NTNG1: variants seen among roughly 807,000 people sequenced by gnomAD.
NTNG1 encodes the protein netrin G1.
Under a neutral mutation model 54.0 loss-of-function variants are expected in NTNG1, and 16 were observed. That is an observed-to-expected ratio of 0.30 (90% confidence interval 0.20 to 0.45). The LOEUF (loss-of-function observed/expected upper bound fraction) is 0.45, where lower values mean the gene tolerates loss of function less well. Ranked by LOEUF, NTNG1 falls within the 20% of genes least tolerant of loss-of-function variation. The pLI is 1.00. For missense variants in NTNG1, 530 were observed against 678.7 expected (o/e 0.78, Z 2.43); for synonymous variants, 255 against 263.1 (o/e 0.97, Z 0.30).
intron 2 of NTNG1, among the ~76,000 whole-genome samples, chr1:107,263,349 T>A (rs889029187): frequency 1.1e-4 from 17 of 151,624 alleles, no homozygotes; most frequent in Non-Finnish European, 1.5e-5. Flanking sequence ...TTTTTTCTTT[T>A]TTTTTCCTTT....
chr1:107,191,634 C>T (rs2101200532), intron 2 of NTNG1, among the ~76,000 whole-genome samples: 1 of 151,718 alleles, frequency 6.6e-6, no homozygotes, highest in East Asian at 1.9e-4. Flanking sequence ...CCAGTTTCAG[C>T]TTTCTACATA....
In NTNG1 at chr1:107,211,392, A is replaced by G. The variant is rs78804024; in HGVS notation, c.246+62553A>G. On this transcript the variant is annotated intron_variant, in intron 2 of 7. Transcript: ENST00000370068. Reference sequence around the variant, plus strand: ...ATATTTGAATATTTGTGCATATTTCAGTCATAATATTTTTCAAATAATATA... The same window carrying G: ...ATATTTGAATATTTGTGCATATTTCGGTCATAATATTTTTCAAATAATATA... Among the ~76,000 whole-genome samples, 1,217 of 152,280 alleles carry G rather than the reference A, an allele frequency of 8.0e-3. 18 individuals are homozygous for G. The highest frequency in any genetic ancestry group is 0.027 in the African/African-American group (1,127 of 41,544).
intron 2 of NTNG1, among the ~76,000 whole-genome samples, chr1:107,204,554 C>T: frequency 6.6e-6 from 1 of 152,060 alleles, no homozygotes; most frequent in East Asian, 1.9e-4. Flanking sequence ...GAATCTGTCT[C>T]TGACCCTTCA....
chr1:107,350,951 T>C (rs1669563310), intron 3 of NTNG1, among the ~76,000 whole-genome samples: 5 of 152,194 alleles, frequency 3.3e-5, no homozygotes, highest in Admixed American at 3.3e-4. Flanking sequence ...AGTAATATTG[T>C]AGACCTAAAA....
At chr1:107,402,718 G>A (rs1020080658) in intron 4 of NTNG1, among the ~76,000 whole-genome samples, 3 of 152,054 alleles carry the variant, frequency 2.0e-5, no homozygotes, top group African/African-American at 7.2e-5. Flanking sequence ...GAAGAACATT[G>A]GAAGTAATTC....
At chr1:107,321,312 A>G (rs144680287) in intron 2 of NTNG1, among the ~76,000 whole-genome samples, 2 of 152,160 alleles carry the variant, frequency 1.3e-5, no homozygotes, top group Non-Finnish European at 2.9e-5. Context: ...TGTTGCATGT[A>G]TGAATCTTTA....
intron 2 of NTNG1, among the ~76,000 whole-genome samples, chr1:107,286,208 T>C (rs1665189074): frequency 6.6e-6 from 1 of 152,134 alleles, no homozygotes; most frequent in Admixed American, 6.6e-5. Flanking sequence ...TACTCAATGG[T>C]GTAGAAGTGG....
At chr1:107,294,232 T>A (rs1005553605) in intron 2 of NTNG1, among the ~76,000 whole-genome samples, 3 of 152,210 alleles carry the variant, frequency 2.0e-5, no homozygotes, top group African/African-American at 7.2e-5. Context: ...TTTAATTTGA[T>A]AAGACTGAGG....
chr1:107,159,732 A>G (rs528357403), intron 2 of NTNG1, among the ~76,000 whole-genome samples: 45 of 152,200 alleles, frequency 3.0e-4, no homozygotes, highest in Non-Finnish European at 5.7e-4. Context: ...CTACAATACT[A>G]TCATTTTGTT....
chr1:107,161,350 A>G (rs888346056), intron 2 of NTNG1, among the ~76,000 whole-genome samples: 1 of 152,206 alleles, frequency 6.6e-6, no homozygotes, highest in Admixed American at 6.6e-5. Flanking sequence ...TAAGCAGTAT[A>G]ATAAATACAC....
At chr1:107,348,443 C>CA (rs1669398073) in intron 3 of NTNG1, among the ~76,000 whole-genome samples, 1 of 152,068 alleles carries the variant, frequency 6.6e-6, no homozygotes, top group African/African-American at 2.4e-5. Context: ...TCTTCTTAAT[C>CA]ACTATGTTAA....
intron 7 of NTNG1, among the ~76,000 whole-genome samples, chr1:107,453,272 A>G (rs756403935): frequency 6.6e-6 from 1 of 152,224 alleles, no homozygotes; most frequent in Non-Finnish European, 1.5e-5. Context: ...CTTCTTTTTC[A>G]TCAAGAAGGC....
chr1:107,198,707 C>T (rs1478851430), intron 2 of NTNG1, among the ~76,000 whole-genome samples: 1 of 151,816 alleles, frequency 6.6e-6, no homozygotes, highest in African/African-American at 2.4e-5. Flanking sequence ...AGGCAAGATA[C>T]TTAATCTCTT....
chr1:107,179,480 T>A lies in NTNG1; in HGVS notation c.246+30641T>A, dbSNP rs183965887. 3.3e-5 allele frequency among the ~76,000 whole-genome samples: 5 copies of A among 152,176 alleles called. No homozygotes were observed. In the East Asian group the frequency reaches 5.8e-4, roughly 18 times the overall value. ...TTTCCAGGCATTTATTTCAATGTAT[T>A]TTTTTTAAAATTGACAATACAAATT... On this transcript the variant is annotated intron_variant, in intron 2 of 7. Transcript: ENST00000370068.
chr1:107,356,257 T>C (rs1381206238), intron 3 of NTNG1, among the ~76,000 whole-genome samples: 3 of 152,194 alleles, frequency 2.0e-5, no homozygotes, highest in Admixed American at 6.5e-5. Flanking sequence ...GTAGAAAGTA[T>C]ATTCTCAAAA....
chr1:107,141,321 G>C (rs1015369837), intron 1 of NTNG1, 181 bp downstream of exon 1: 37 of 150,326 alleles, frequency 2.5e-4, no homozygotes, highest in African/African-American at 8.3e-4. Context: ...CGCGGGAGCT[G>C]CCGCCCTCCG....
chr1:107,418,055 C>G (rs546843697), intron 5 of NTNG1, among the ~76,000 whole-genome samples: 1 of 152,164 alleles, frequency 6.6e-6, no homozygotes, highest in East Asian at 1.9e-4. Context: ...AGTTTTCCCT[C>G]TTTCCTTTTC....
At chr1:107,368,328 TA>T (rs988188959) in intron 3 of NTNG1, among the ~76,000 whole-genome samples, 130 of 142,842 alleles carry the variant, frequency 9.1e-4, no homozygotes, top group Middle Eastern at 3.6e-3. Flanking sequence ...TTTCTTTACC[TA>T]AAAAAAAAAA....
chr1:107,438,644 G>A (rs907471504), intron 7 of NTNG1, among the ~76,000 whole-genome samples: 1 of 152,144 alleles, frequency 6.6e-6, no homozygotes, highest in Admixed American at 6.6e-5. Context: ...CTCATATAAA[G>A]CTCCTGAGGA....
Sources: gnomAD v4.1 joint callset for allele counts (sites outside exome capture counted in the v4.1 genomes callset) on GRCh38, gnomAD v4.1.1 for gene constraint, MANE v1.5 for transcripts, NCBI Gene and HGNC (gene_info 2026-07-23, HGNC 2026-07-21) for gene names.